Variants in AFDN observed in about 807,000 individuals in gnomAD.
The protein encoded by AFDN is afadin.
A neutral mutation model predicts 216.6 loss-of-function variants in AFDN; 68 were observed. The observed-to-expected ratio is 0.31, with a 90% confidence interval of 0.26 to 0.38. The LOEUF is 0.38. AFDN is among the 10% of genes least tolerant of loss of function. The probability of loss-of-function intolerance (pLI) is 1.00; values close to 1 mark genes in which losing one functional copy is unlikely to be tolerated. For synonymous variants in AFDN, 868 were observed against 853.7 expected (o/e 1.02, Z -0.29); for missense variants, 2,136 against 2,342.0 (o/e 0.91, Z 1.82).
intron 1 of AFDN, among the ~76,000 whole-genome samples, chr6:167,837,688 C>A (rs1483751283): frequency 1.3e-5 from 2 of 152,124 alleles, no homozygotes; most frequent in Non-Finnish European, 2.9e-5. Context: ...GGATGAAGAA[C>A]CCAAGGCACA....
chr6:167,948,013 A>C (rs1306171532), intron 28 of AFDN, 69 bp downstream of exon 28: 5 of 1,148,278 alleles, frequency 4.4e-6, no homozygotes, highest in Non-Finnish European at 6.5e-6. Flanking sequence ...TGGACATCTC[A>C]GTTATCTAGT....
chr6:167,963,731 G>C, intron 31 of AFDN: 2 of 1,061,644 alleles, frequency 1.9e-6, no homozygotes, highest in Non-Finnish European at 2.3e-6. Context: ...CAAAGAGTTT[G>C]AGCTTTCAGG....
In AFDN at chr6:167,885,314, G is replaced by C. The variant is rs143128345; in HGVS notation, c.898-3901G>C. On this transcript the variant is annotated intron_variant, in intron 6 of 33. Transcript: ENST00000683244. ...TTCCTTTGCATTCATAACTTGACTG[G>C]CACCAAGAAGCCTAGCTTTCTGCCT... 2.7e-3 allele frequency among the ~76,000 whole-genome samples: 411 copies of C among 152,184 alleles called. 4 individuals are homozygous for C. The highest frequency in any genetic ancestry group is 9.1e-3 in the African/African-American group (379 of 41,508).
At chr6:167,900,732 G>A (rs1049700197) in intron 11 of AFDN, among the ~76,000 whole-genome samples, 2 of 152,234 alleles carry the variant, frequency 1.3e-5, no homozygotes, top group Admixed American at 1.3e-4. Flanking sequence ...GGACACTGCT[G>A]TGTGCAGCTT....
chr6:167,938,358 T>G (rs996720849), intron 23 of AFDN, among the ~76,000 whole-genome samples: 3 of 152,184 alleles, frequency 2.0e-5, no homozygotes, highest in African/African-American at 7.2e-5. Context: ...TGTGAATTTT[T>G]ACAGCAGCTG....
intron 1 of AFDN, among the ~76,000 whole-genome samples, chr6:167,830,768 C>A (rs1779736124): frequency 6.6e-6 from 1 of 151,956 alleles, no homozygotes; most frequent in African/African-American, 2.4e-5. Context: ...TGTGGTGATT[C>A]ATGTTTTCTG....
intron 23 of AFDN, among the ~76,000 whole-genome samples, chr6:167,936,675 C>T (rs1327819174): frequency 6.6e-6 from 1 of 151,966 alleles, no homozygotes; most frequent in African/African-American, 2.4e-5. Context: ...CGACAGACGA[C>T]AGTTTGCTGA....
At chr6:167,905,320 A>G (rs988945621) in intron 12 of AFDN, among the ~76,000 whole-genome samples, 4 of 152,220 alleles carry the variant, frequency 2.6e-5, no homozygotes, top group African/African-American at 9.6e-5. Context: ...TTCTTAAAAA[A>G]TGCCTGCTGT....
At chr6:167,907,327 A>T (rs777560215) in intron 13 of AFDN, 38 bp downstream of exon 13, 1 of 1,481,842 alleles carries the variant, frequency 6.7e-7, no homozygotes, top group Admixed American at 1.7e-5. Flanking sequence ...GAAAGTACTG[A>T]AAGTATTCCT....
chr6:167,948,455 A>C lies in AFDN; in HGVS notation c.3808A>C (p.Asn1270His), dbSNP rs1370981130. ...EEKPHMHTDSNHSSIAIQRVT... is the reference protein window; with the variant it reads ...EEKPHMHTDSHHSSIAIQRVT... ...AAAGCCACATATGCACACAGATAGT[A>C]ATCATTCCAGTATTGCAATTCAGGT... Residue 1270 changes from asparagine to histidine, a missense_variant, in exon 29 of 34, where the codon AAT (asparagine) becomes CAT (histidine). Physicochemically the swap from Asn to His is moderately conservative, Grantham distance 68 (BLOSUM62 1). Coordinates refer to ENST00000683244, the MANE Select transcript of AFDN (RefSeq NM_001386888.1). The C allele has an allele frequency of 6.2e-7, 1 of 1,614,152 alleles. No homozygotes were observed. The highest frequency in any genetic ancestry group is 2.2e-5 in the East Asian group (1 of 44,886).
At chr6:167,844,849 C>CTTTTTTTTTTTTTTTTTTTTT (rs67495555) in intron 1 of AFDN, among the ~76,000 whole-genome samples, 1 of 127,716 alleles carries the variant, frequency 7.8e-6, no homozygotes, top group East Asian at 2.4e-4. Context: ...CTTTTCTTTT[C>CTTTTTTTTTTTTTTTTTTTTT]TTTTTTTTTT....
chr6:167,966,818 A>T (rs1052046854), intron 32 of AFDN, among the ~76,000 whole-genome samples: 2 of 152,020 alleles, frequency 1.3e-5, no homozygotes, highest in African/African-American at 4.8e-5. Flanking sequence ...TGGCTTCATG[A>T]CCTCCGTGCA....
intron 1 of AFDN, among the ~76,000 whole-genome samples, chr6:167,852,172 A>G (rs1782391260): frequency 6.6e-6 from 1 of 152,124 alleles, no homozygotes; most frequent in African/African-American, 2.4e-5. Context: ...ATTCTTTGTT[A>G]TTATCTGTTA....
intron 1 of AFDN, among the ~76,000 whole-genome samples, chr6:167,860,159 C>CTTTTTTTTTTTTTTT: frequency 1.3e-5 from 1 of 79,406 alleles, no homozygotes; most frequent in Non-Finnish European, 2.3e-5. Context: ...TACAGCAATG[C>CTTTTTTTTTTTTTTT]TTTTTTTTTT....
chr6:167,867,637 T>A (rs545611445), intron 2 of AFDN, among the ~76,000 whole-genome samples: 4 of 152,210 alleles, frequency 2.6e-5, no homozygotes, highest in South Asian at 2.1e-4. Flanking sequence ...TTCACTGTGT[T>A]GGCCAGACTG....
rs1183546708 is a variant in AFDN at position 167,951,256 on chromosome 6, C to T, written c.3902C>T (p.Ala1301Val). The change falls in exon 30 of 34, where the codon GCA becomes GTA. Residue 1301 changes from alanine (A) to valine (V), a missense_variant. Ala to Val is a moderately conservative substitution (Grantham distance 64, BLOSUM62 0). This residue lies in a region of AFDN where 981 missense variants were observed against 966.0 expected (regional missense o/e 1.02). Transcript: ENST00000683244. The surrounding 1 kb of genome is among the most constrained non-coding windows in gnomAD (Gnocchi z 7.1). Reference sequence around the variant, plus strand: ...CAACTTGAGCGGCATCGAATAGAGGCAGCTATGGACCGAAAGTCTGATAGT... The same window carrying T: ...CAACTTGAGCGGCATCGAATAGAGGTAGCTATGGACCGAAAGTCTGATAGT... ...AYQLERHRIE[A>V]AMDRKSDSDM... The T allele has an allele frequency of 2.5e-6, 4 of 1,611,802 alleles. No individual in the cohort carries two copies. The African/African-American group carries it at 5.3e-5, about 22-fold the overall frequency.
At chr6:167,899,774 G>A (rs1423146881) in intron 11 of AFDN, among the ~76,000 whole-genome samples, 1 of 152,156 alleles carries the variant, frequency 6.6e-6, no homozygotes, top group Non-Finnish European at 1.5e-5. Flanking sequence ...TCTCTCAATA[G>A]TACCTGTAGT....
chr6:167,963,050 G>A (rs1208397315), intron 31 of AFDN: 2 of 1,070,706 alleles, frequency 1.9e-6, no homozygotes, highest in South Asian at 4.5e-5. Context: ...AGAGCAGATG[G>A]CTTAGAAAAC....
chr6:167,881,950 T>C (rs1036047363), intron 6 of AFDN, among the ~76,000 whole-genome samples: 4 of 152,210 alleles, frequency 2.6e-5, no homozygotes, highest in African/African-American at 7.2e-5. Context: ...TGCCCACATA[T>C]ATAGCCTTTA....
Sources: gnomAD v4.1 joint callset for allele counts (sites outside exome capture counted in the v4.1 genomes callset) on GRCh38, gnomAD v4.1.1 for gene constraint, gnomAD v4.1.1 regional missense constraint, Gnocchi (gnomAD v3.1) non-coding constraint, MANE v1.5 for transcripts, NCBI Gene and HGNC (gene_info 2026-07-23, HGNC 2026-07-21) for gene names.